The following NFAM1 variants were observed in gnomAD, a reference collection of about 807,000 sequenced individuals.
NFAM1 encodes NFAT activating protein with ITAM motif 1.
A neutral mutation model predicts 29.0 loss-of-function variants in NFAM1; 17 were observed. The ratio of observed to expected loss-of-function variants is 0.59; its 90% CI spans 0.40 to 0.88. The LOEUF (loss-of-function observed/expected upper bound fraction) is 0.88. Among genes scored for constraint, NFAM1 ranks in the 40% least tolerant of loss-of-function variants. NFAM1 has a pLI of 0.00. For missense variants in NFAM1, 324 were observed against 344.6 expected (o/e 0.94, Z 0.47); for synonymous variants, 175 against 147.2 (o/e 1.19, Z -1.36).
rs535077385 is a variant in NFAM1 at position 42,383,052 on chromosome 22, G to A, written c.*2109C>T. ...GCCAAGGCCAGGTGTGGGTTTAATCGGGGTCTGTCGGTGGCAGGGCAGCTG... is the reference window on the plus strand; with the variant it reads ...GCCAAGGCCAGGTGTGGGTTTAATCAGGGTCTGTCGGTGGCAGGGCAGCTG... On this transcript the variant is annotated 3_prime_UTR_variant, in exon 6 of 6. Coordinates refer to ENST00000329021, the MANE Select transcript of NFAM1 (RefSeq NM_145912.8). 1.4e-3 allele frequency: 211 copies of A among 154,004 alleles called. No homozygotes were observed. Among genetic ancestry groups the A allele is most frequent in the African/African-American group, 2.6e-3 (107 of 41,602 alleles). 9.5% of individuals were successfully genotyped at this position (154,004 alleles called of 1,614,324 possible). A position where few individuals can be genotyped will look rare whatever the true frequency, so the allele number is the denominator to read the frequency against.
At chr22:42,427,414 A>T (rs973378583) in intron 1 of NFAM1, among the ~76,000 whole-genome samples, 7 of 152,172 alleles carry the variant, frequency 4.6e-5, no homozygotes, top group African/African-American at 1.4e-4. Flanking sequence ...CTCCTGTGGC[A>T]TCGCGTCTCC....
At chr22:42,387,151 C>CT in intron 4 of NFAM1, 73 bp from the exon 5 acceptor site, 1 of 883,290 alleles carries the variant, frequency 1.1e-6, no homozygotes, top group Non-Finnish European at 1.7e-6. Flanking sequence ...CAGCCAGCCC[C>CT]CTGCCTGTTA....
intron 3 of NFAM1, among the ~76,000 whole-genome samples, chr22:42,398,271 C>A (rs1207119710): frequency 6.6e-6 from 1 of 152,218 alleles, no homozygotes; most frequent in Non-Finnish European, 1.5e-5. Context: ...ACCGAGCCAG[C>A]AGCCATGGGT....
At chr22:42,413,336 G>C (rs1930155397) in intron 1 of NFAM1, among the ~76,000 whole-genome samples, 2 of 152,166 alleles carry the variant, frequency 1.3e-5, no homozygotes, top group Non-Finnish European at 2.9e-5. Flanking sequence ...GTTCAGCTCT[G>C]AGCCAGAGCT....
At chr22:42,432,464 T>C, upstream of NFAM1, 1 of 1,429,034 alleles carries the variant, frequency 7.0e-7, no homozygotes, top group Non-Finnish European at 9.2e-7. Flanking sequence ...TGGCAGCCCC[T>C]GACCTTCCGC....
At chr22:42,431,880 A>C (rs1252449565) in intron 1 of NFAM1, among the ~76,000 whole-genome samples, 1 of 144,686 alleles carries the variant, frequency 6.9e-6, no homozygotes, top group Admixed American at 7.0e-5. Flanking sequence ...CGCAGCAGCC[A>C]CGTGAGGTTC....
chr22:42,435,397 G>T (rs1930914918), upstream of NFAM1, among the ~76,000 whole-genome samples: 3 of 151,050 alleles, frequency 2.0e-5, no homozygotes, highest in Admixed American at 2.0e-4. Context: ...GCCCAGGCTG[G>T]AGTGCAATGG....
intron 4 of NFAM1, among the ~76,000 whole-genome samples, chr22:42,392,511 T>C (rs1929379208): frequency 6.6e-6 from 1 of 152,142 alleles, no homozygotes; most frequent in African/African-American, 2.4e-5. Context: ...CTGTCAACGC[T>C]GGAGGAACTC....
chr22:42,390,641 AC>A, intron 4 of NFAM1, among the ~76,000 whole-genome samples: 1 of 151,858 alleles, frequency 6.6e-6, no homozygotes, highest in African/African-American at 2.4e-5. Context: ...ACATGGCAAA[AC>A]CCCGTCTTTA....
chr22:42,399,383 G>T (rs1929645164), intron 3 of NFAM1, among the ~76,000 whole-genome samples: 1 of 149,706 alleles, frequency 6.7e-6, no homozygotes, highest in African/African-American at 2.5e-5. Flanking sequence ...GGGGGCGGAG[G>T]TTGCAGTAAA....
At chr22:42,415,274 C>G (rs1391274503) in intron 1 of NFAM1, among the ~76,000 whole-genome samples, 7 of 151,004 alleles carry the variant, frequency 4.6e-5, no homozygotes, top group African/African-American at 1.7e-4. Flanking sequence ...GCACCTACAC[C>G]TTCCTTTCTT....
At chr22:42,414,079 GAAA>G (rs1424174432) in intron 1 of NFAM1, among the ~76,000 whole-genome samples, 1 of 151,996 alleles carries the variant, frequency 6.6e-6, no homozygotes, top group Non-Finnish European at 1.5e-5. Flanking sequence ...AAGAAAGAAA[GAAA>G]AAGAGAGACA....
intron 3 of NFAM1, among the ~76,000 whole-genome samples, chr22:42,407,903 CTTTTTTT>C (rs61407898): frequency 9.7e-6 from 1 of 103,312 alleles, no homozygotes; most frequent in Non-Finnish European, 1.9e-5. Context: ...ACAGATTTCT[CTTTTTTT>C]TTTTTTTTTT....
At position 42,380,614 on chromosome 22, in the gene NFAM1, C is replaced by T. The variant is rs1038794564; in HGVS notation, c.*4547G>A. 3 of 152,666 alleles carry T rather than the reference C, an allele frequency of 2.0e-5. No homozygotes were observed. The highest frequency in any genetic ancestry group is 7.2e-5 in the African/African-American group (3 of 41,444). The allele number at this position is 152,666 out of a possible 1,614,324, so 9.5% of individuals were successfully genotyped here. A position where few individuals can be genotyped will look rare whatever the true frequency, so the allele number is the denominator to read the frequency against. ...GCCCCCTCAGGTGGACAAATGACAT[C>T]CCCTGGCATTGCAAGGAATGGAGTG... On this transcript the variant is annotated 3_prime_UTR_variant, in exon 6 of 6. Coordinates refer to ENST00000329021, the MANE Select transcript of NFAM1 (RefSeq NM_145912.8).
intron 2 of NFAM1, 115 bp downstream of exon 2, chr22:42,411,291 TG>T: frequency 2.6e-6 from 2 of 781,510 alleles, no homozygotes; most frequent in South Asian, 1.7e-5. Context: ...CCCAAAGTGC[TG>T]GGATGTGTGA....
At chr22:42,403,507 G>A (rs920222793) in intron 3 of NFAM1, among the ~76,000 whole-genome samples, 4 of 152,068 alleles carry the variant, frequency 2.6e-5, no homozygotes, top group African/African-American at 9.7e-5. Flanking sequence ...TAGTACAGGT[G>A]GGGGTTTGCC....
At chr22:42,398,104 C>T (rs1267748125) in intron 3 of NFAM1, 148 bp from the exon 4 acceptor site, 2 of 570,536 alleles carry the variant, frequency 3.5e-6, no homozygotes, top group Non-Finnish European at 6.2e-6. Flanking sequence ...TCCAGGGAAA[C>T]ATGGCAAATG....
chr22:42,388,245 A>G lies in NFAM1; in HGVS notation c.664-1167T>C, dbSNP rs1475200295. ...CCAAAGGCAACCCCTTAACCGCTCC[A>G]TGCCTCAGTTTCCACGTCTGTAAAA... On this transcript the variant is annotated intron_variant, in intron 4 of 5. Transcript: ENST00000329021. This position sits in a 1 kb window ranked among gnomAD's most constrained non-coding sequence, Gnocchi z 4.1. 6.6e-6 allele frequency among the ~76,000 whole-genome samples: 1 copy of G among 152,224 alleles called. No individual in the cohort carries two copies. The highest frequency in any genetic ancestry group is 2.4e-5 in the African/African-American group (1 of 41,456).
chr22:42,434,508 G>C (rs1930894008), upstream of NFAM1, among the ~76,000 whole-genome samples: 1 of 152,202 alleles, frequency 6.6e-6, no homozygotes, highest in Admixed American at 6.5e-5. Context: ...CAGCCTCCTG[G>C]GGAGAGGCAG....
Sources: gnomAD v4.1 joint callset for allele counts (sites outside exome capture counted in the v4.1 genomes callset) on GRCh38, gnomAD v4.1.1 for gene constraint, Gnocchi (gnomAD v3.1) non-coding constraint, MANE v1.5 for transcripts, NCBI Gene and HGNC (gene_info 2026-07-23, HGNC 2026-07-21) for gene names.